Variants in SKIC2 observed in about 807,000 individuals in gnomAD.
SKIC2 encodes the protein SKI2 subunit of superkiller complex.
chr6:31,965,934 G>T, the SKIC2 span: 1 of 1,612,984 alleles, frequency 6.2e-7, no homozygotes, highest in East Asian at 2.2e-5. This position sits in a 1 kb window ranked among gnomAD's most constrained non-coding sequence, Gnocchi z 5.6. Context: ...GGGCGGAGGG[G>T]CCTGGACCCC....
the SKIC2 span, chr6:31,967,976 G>A: frequency 1.5e-4 from 245 of 1,612,974 alleles, 1 homozygote; most frequent in Admixed American, 3.2e-3. This position sits in a 1 kb window ranked among gnomAD's most constrained non-coding sequence, Gnocchi z 4.9. Context: ...CCACACCGTG[G>A]TCAAGCTCCA....
chr6:31,961,777 G>C, the SKIC2 span: 1 of 1,548,692 alleles, frequency 6.5e-7, no homozygotes, highest in Non-Finnish European at 8.8e-7. Context: ...ATCCATCCCA[G>C]GCCAGTCTTG....
the SKIC2 span, chr6:31,963,139 C>A: frequency 7.6e-7 from 1 of 1,311,218 alleles, no homozygotes. This position sits in a 1 kb window ranked among gnomAD's most constrained non-coding sequence, Gnocchi z 5.3. Flanking sequence ...CTACAGTACT[C>A]CTTGATTCGG....
the SKIC2 span, chr6:31,967,276 C>T: frequency 4.3e-5 from 70 of 1,612,666 alleles, no homozygotes; most frequent in African/African-American, 1.1e-4. The surrounding 1 kb of genome is among the most constrained non-coding windows in gnomAD (Gnocchi z 4.9). Flanking sequence ...TCTTCAGCGA[C>T]GCATCATGGA....
the SKIC2 span, chr6:31,967,973 G>A: frequency 0.031 from 49,599 of 1,613,070 alleles, 978 homozygotes; most frequent in Non-Finnish European, 0.038. The surrounding 1 kb of genome is among the most constrained non-coding windows in gnomAD (Gnocchi z 4.9). Context: ...TGACCACACC[G>A]TGGTCAAGCT....
chr6:31,962,804 G>C, the SKIC2 span: 2 of 1,603,074 alleles, frequency 1.2e-6, no homozygotes, highest in Non-Finnish European at 1.7e-6. The surrounding 1 kb of genome is among the most constrained non-coding windows in gnomAD (Gnocchi z 5.0). Context: ...TCGAGGTAAG[G>C]GCCATGGGCT....
At chr6:31,963,848 T>C in the SKIC2 span, 1 of 1,487,768 alleles carries the variant, frequency 6.7e-7, no homozygotes, top group Non-Finnish European at 9.3e-7. This position sits in a 1 kb window ranked among gnomAD's most constrained non-coding sequence, Gnocchi z 5.3. Flanking sequence ...CAGTTAACAC[T>C]AGCTCACCTC....
the SKIC2 span, chr6:31,969,126 T>C: frequency 6.3e-7 from 1 of 1,588,668 alleles, no homozygotes; most frequent in South Asian, 1.1e-5. The surrounding 1 kb of genome is among the most constrained non-coding windows in gnomAD (Gnocchi z 6.1). Flanking sequence ...GCCAGGGCTG[T>C]GGCATTCCTG....
the SKIC2 span, chr6:31,962,407 A>G: frequency 6.2e-7 from 1 of 1,613,266 alleles, no homozygotes; most frequent in Non-Finnish European, 8.5e-7. This position sits in a 1 kb window ranked among gnomAD's most constrained non-coding sequence, Gnocchi z 5.0. Flanking sequence ...GAGTCTGCGG[A>G]GGGACTGGCT....
At chr6:31,968,138 G>A in the SKIC2 span, 2 of 1,606,604 alleles carry the variant, frequency 1.2e-6, no homozygotes, top group South Asian at 2.2e-5. This position sits in a 1 kb window ranked among gnomAD's most constrained non-coding sequence, Gnocchi z 6.1. Context: ...AGGCAGGGAG[G>A]GGCAGTGGTC....
the SKIC2 span, chr6:31,963,913 G>A: frequency 6.2e-7 from 1 of 1,609,572 alleles, no homozygotes; most frequent in South Asian, 1.1e-5. The surrounding 1 kb of genome is among the most constrained non-coding windows in gnomAD (Gnocchi z 5.3). Flanking sequence ...CCTTCTCCAG[G>A]ACCGCGGAGT....
chr6:31,964,150 G>C, the SKIC2 span: 2 of 1,604,040 alleles, frequency 1.2e-6, no homozygotes, highest in African/African-American at 1.3e-5. This position sits in a 1 kb window ranked among gnomAD's most constrained non-coding sequence, Gnocchi z 5.0. Flanking sequence ...GTCTGTGTGC[G>C]TGCATGCACA....
the SKIC2 span, chr6:31,964,403 A>G: frequency 7.9e-7 from 1 of 1,258,194 alleles, no homozygotes; most frequent in East Asian, 2.4e-5. This position sits in a 1 kb window ranked among gnomAD's most constrained non-coding sequence, Gnocchi z 5.0. Context: ...GGGGCTGCCC[A>G]GAGGGCAGAG....
the SKIC2 span, chr6:31,959,520 C>G: frequency 1.3e-6 from 1 of 741,142 alleles, no homozygotes; most frequent in Non-Finnish European, 2.4e-6. Flanking sequence ...CCATCCCAGC[C>G]TGAAGGGGTG....
chr6:31,969,083 C>A, the SKIC2 span: 1 of 1,610,838 alleles, frequency 6.2e-7, no homozygotes. This position sits in a 1 kb window ranked among gnomAD's most constrained non-coding sequence, Gnocchi z 6.1. Flanking sequence ...CAAACACCCT[C>A]AAGCAGGTAG....
the SKIC2 span, chr6:31,962,322 TGAA>T: frequency 4.1e-6 from 5 of 1,207,710 alleles, no homozygotes; most frequent in African/African-American, 3.0e-5. The surrounding 1 kb of genome is among the most constrained non-coding windows in gnomAD (Gnocchi z 5.0). Flanking sequence ...GCAGTTTGGG[TGAA>T]GAAGAGGAGC....
chr6:31,966,626 C>T, the SKIC2 span: 30 of 1,457,136 alleles, frequency 2.1e-5, no homozygotes, highest in African/African-American at 4.2e-5. The surrounding 1 kb of genome is among the most constrained non-coding windows in gnomAD (Gnocchi z 5.9). Context: ...CCGGATCTGA[C>T]GGGAGTAGGC....
chr6:31,960,117 C>T, the SKIC2 span: 1 of 1,612,394 alleles, frequency 6.2e-7, no homozygotes, highest in African/African-American at 1.3e-5. Flanking sequence ...AGCACTCAGC[C>T]CGGTGAGGAG....
the SKIC2 span, among the ~76,000 whole-genome samples, chr6:31,966,399 C>T: frequency 6.6e-6 from 1 of 152,178 alleles, no homozygotes; most frequent in Non-Finnish European, 1.5e-5. This position sits in a 1 kb window ranked among gnomAD's most constrained non-coding sequence, Gnocchi z 5.9. Context: ...GGCCACAGCG[C>T]CCAACTTCCT....
Sources: gnomAD v4.1 joint callset for allele counts (sites outside exome capture counted in the v4.1 genomes callset) on GRCh38, gnomAD v4.1.1 for gene constraint, Gnocchi (gnomAD v3.1) non-coding constraint, MANE v1.5 for transcripts, NCBI Gene and HGNC (gene_info 2026-07-23, HGNC 2026-07-21) for gene names.